The following ACOT12 variants were observed in gnomAD, a reference collection of about 807,000 sequenced individuals.
ACOT12 encodes the protein acetyl-coenzyme A thioesterase.
Under a neutral mutation model 67.7 loss-of-function variants are expected in ACOT12, and 51 were observed. The observed-to-expected ratio is 0.75, with a 90% CI of 0.60 to 0.95. ACOT12 has a LOEUF of 0.95. Among genes scored for constraint, ACOT12 ranks in the 40% least tolerant of loss-of-function variants. ACOT12 has a pLI of 0.00. For synonymous variants in ACOT12, 251 were observed against 244.6 expected (o/e 1.03, Z -0.24); for missense variants, 734 against 708.1 (o/e 1.04, Z -0.41).
intron 12 of ACOT12, 128 bp downstream of exon 12, chr5:81,335,640 T>C: frequency 8.2e-7 from 1 of 1,216,642 alleles, no homozygotes; most frequent in South Asian, 1.6e-5. Context: ...CTATGCTGGG[T>C]CAAACTTCTA....
At chr5:81,333,632 A>C (rs758180231) in intron 12 of ACOT12, among the ~76,000 whole-genome samples, 2 of 152,224 alleles carry the variant, frequency 1.3e-5, no homozygotes, top group Non-Finnish European at 2.9e-5. Flanking sequence ...CATAACACCA[A>C]AGTTTAGGCA....
chr5:81,342,733 A>G lies in ACOT12; in HGVS notation c.1067T>C (p.Val356Ala), dbSNP rs751515255. Reference protein sequence around the residue: ...SKQASLSDSNVEALKKLAAKR... With the variant: ...SKQASLSDSNAEALKKLAAKR... ...GGCTGCCAGTTTTTTGAGGGCCTCC[A>G]CATTGCTGTCACTCAGGGATGCCTA... Residue 356 changes from valine (V) to alanine (A), a missense_variant, in exon 11 of 15, where the codon GTG becomes GCG. By Grantham distance (64) the Val-to-Ala change is moderately conservative. Coordinates refer to ENST00000307624, the MANE Select transcript of ACOT12 (RefSeq NM_130767.3). The G allele has an allele frequency of 6.2e-7, 1 of 1,614,182 alleles. No individual in the cohort carries two copies. Among genetic ancestry groups the G allele is most frequent in the Non-Finnish European group, 8.5e-7 (1 of 1,180,018 alleles).
chr5:81,313,352 AGCTCTTTTTT>A, the ACOT12 span: 1 of 152,236 alleles, frequency 6.6e-6, no homozygotes, highest in Non-Finnish European at 1.5e-5. Context: ...GTTTAACAGC[AGCTCTTTTTT>A]GCCCTTGATT....
At chr5:81,393,314 C>T (rs911847075) in intron 1 of ACOT12, among the ~76,000 whole-genome samples, 3 of 152,174 alleles carry the variant, frequency 2.0e-5, no homozygotes, top group Admixed American at 1.3e-4. Context: ...AAATGTTATG[C>T]TAACAATGTA....
At position 81,345,902 on chromosome 5, in the gene ACOT12, G is replaced by A. The variant is rs368387137; in HGVS notation, c.756C>T (p.Asn252=). 6.8e-6 allele frequency: 11 copies of A among 1,613,698 alleles called. No homozygotes were observed. The highest frequency in any genetic ancestry group is 1.1e-5 in the South Asian group (1 of 91,070). Residue 252 remains asparagine, a synonymous_variant, in exon 7 of 15, where the codon AAC becomes AAT. Transcript: ENST00000307624. ...CACTTTACCAGGTCTGAAATGTATT[G>A]TTGACAATGGCAGTGAAGACAAGAC... ...GDRLVFTAIV[N]NTFQTCVEVG...
At chr5:81,367,476 C>T (rs1313145315) in intron 3 of ACOT12, among the ~76,000 whole-genome samples, 1 of 151,990 alleles carries the variant, frequency 6.6e-6, no homozygotes, top group Non-Finnish European at 1.5e-5. Flanking sequence ...TTACACTATA[C>T]TCAAAGGGAT....
At chr5:81,329,044 T>C (rs1315746208), downstream of ACOT12, among the ~76,000 whole-genome samples, 4 of 152,206 alleles carry the variant, frequency 2.6e-5, no homozygotes, top group African/African-American at 9.6e-5. Context: ...AGGAATAGAC[T>C]ATGCCTCTGT....
chr5:81,376,657 A>G (rs1342724870), intron 2 of ACOT12, among the ~76,000 whole-genome samples: 1 of 152,200 alleles, frequency 6.6e-6, no homozygotes, highest in African/African-American at 2.4e-5. Flanking sequence ...TAAAGAGGAT[A>G]TCATCACTGA....
chr5:81,337,948 G>C (rs1446193133), intron 11 of ACOT12, among the ~76,000 whole-genome samples: 2 of 152,178 alleles, frequency 1.3e-5, no homozygotes, highest in Admixed American at 1.3e-4. Flanking sequence ...TGCCCTTACA[G>C]AGCTCACTTG....
At chr5:81,311,959 G>A in the ACOT12 span, among the ~76,000 whole-genome samples, 4 of 152,046 alleles carry the variant, frequency 2.6e-5, no homozygotes, top group African/African-American at 7.2e-5. Context: ...TTTATTTCAC[G>A]TAGTCACAAC....
intron 3 of ACOT12, among the ~76,000 whole-genome samples, chr5:81,368,949 G>A (rs1445221325): frequency 6.6e-6 from 1 of 152,026 alleles, no homozygotes; most frequent in African/African-American, 2.4e-5. Context: ...ATGAGTGGTT[G>A]TCACAAGCTG....
intron 3 of ACOT12, among the ~76,000 whole-genome samples, chr5:81,370,876 A>C (rs1395904393): frequency 6.6e-6 from 1 of 152,178 alleles, no homozygotes; most frequent in African/African-American, 2.4e-5. Flanking sequence ...GTACAATATG[A>C]GATCCAGCAA....
chr5:81,314,065 G>T, the ACOT12 span, among the ~76,000 whole-genome samples: 1 of 151,960 alleles, frequency 6.6e-6, no homozygotes, highest in East Asian at 1.9e-4. Context: ...CAAGAATGTT[G>T]GTATCCACTT....
intron 5 of ACOT12, 96 bp from the exon 6 acceptor site, chr5:81,348,026 A>G (rs1379962950): frequency 2.9e-6 from 4 of 1,373,048 alleles, no homozygotes; most frequent in South Asian, 1.4e-5. Flanking sequence ...ACTCGGATTT[A>G]TAGAAAAATT....
intron 11 of ACOT12, among the ~76,000 whole-genome samples, chr5:81,340,222 A>G (rs1759149309): frequency 6.6e-6 from 1 of 152,006 alleles, no homozygotes; most frequent in South Asian, 2.1e-4. Context: ...TTTTTAGTAG[A>G]GATGGGGTTT....
chr5:81,390,173 G>T (rs913861717), intron 1 of ACOT12, among the ~76,000 whole-genome samples: 6 of 150,982 alleles, frequency 4.0e-5, no homozygotes, highest in Admixed American at 2.0e-4. Flanking sequence ...TGTTGCCCAG[G>T]CTGGTCTCAA....
At chr5:81,330,571 T>TAATTTCTTATTG (rs1276733182) in intron 14 of ACOT12, 28 bp from the exon 15 acceptor site, 1 of 1,609,092 alleles carries the variant, frequency 6.2e-7, no homozygotes, top group African/African-American at 1.3e-5. Context: ...TACAATATTT[T>TAATTTCTTATTG]AATTTCTTAT....
intron 11 of ACOT12, among the ~76,000 whole-genome samples, chr5:81,336,753 G>A (rs1261045692): frequency 2.6e-5 from 4 of 152,108 alleles, no homozygotes; most frequent in Admixed American, 1.3e-4. Context: ...ATGGCAACAA[G>A]CTGTGAGAAA....
chr5:81,384,016 G>C (rs1449958661), intron 2 of ACOT12, among the ~76,000 whole-genome samples: 2 of 151,784 alleles, frequency 1.3e-5, no homozygotes, highest in African/African-American at 4.8e-5. Context: ...TAATGTCTGG[G>C]GCCTTCATAT....
Sources: gnomAD v4.1 joint callset for allele counts (sites outside exome capture counted in the v4.1 genomes callset) on GRCh38, gnomAD v4.1.1 for gene constraint, MANE v1.5 for transcripts, NCBI Gene and HGNC (gene_info 2026-07-23, HGNC 2026-07-21) for gene names.